PRDM11: variants seen among roughly 807,000 people sequenced by gnomAD.
PRDM11 encodes the protein PR/SET domain 11, also known as PR domain-containing protein 11.
Under a neutral mutation model 97.8 loss-of-function variants are expected in PRDM11, and 20 were observed. The ratio of observed to expected loss-of-function variants is 0.20; its 90% CI spans 0.14 to 0.30. The LOEUF (loss-of-function observed/expected upper bound fraction) is 0.30, where lower values mean the gene tolerates loss of function less well. Ranked by LOEUF, PRDM11 falls within the 10% of genes least tolerant of loss-of-function variation. PRDM11 has a pLI of 1.00. For missense variants in PRDM11, 1,139 were observed against 1,555.2 expected (o/e 0.73, Z 4.50); for synonymous variants, 599 against 637.7 (o/e 0.94, Z 0.91).
chr11:45,168,928 T>C (rs935425776), intron 1 of PRDM11, among the ~76,000 whole-genome samples: 6 of 152,120 alleles, frequency 3.9e-5, no homozygotes, highest in Admixed American at 3.9e-4. Flanking sequence ...CACCCCCTTC[T>C]CCCCAATTCT....
intron 1 of PRDM11, among the ~76,000 whole-genome samples, chr11:45,130,797 T>C (rs1052374058): frequency 6.6e-6 from 1 of 152,214 alleles, no homozygotes; most frequent in African/African-American, 2.4e-5. Context: ...GTCAATAACT[T>C]TTTCCATAAT....
In PRDM11 at chr11:45,114,345, G is replaced by T. The variant is rs191340767; in HGVS notation, c.96+18444G>T. ...TGATATGCATAACAACAAACAAACT[G>T]GCAGAAGAGTCAATGAACTTGAAGC... On this transcript the variant is annotated intron_variant, in intron 1 of 6. Transcript: ENST00000530656. Among the ~76,000 whole-genome samples the T allele has an allele frequency of 2.5e-3, 378 of 152,096 alleles. 1 individual carries two copies. The highest frequency in any genetic ancestry group is 0.015 in the South Asian group (74 of 4,816).
At chr11:45,148,670 C>T (rs1184087045) in intron 1 of PRDM11, among the ~76,000 whole-genome samples, 1 of 152,340 alleles carries the variant, frequency 6.6e-6, no homozygotes, top group South Asian at 2.1e-4. Flanking sequence ...AGTTACAGTT[C>T]TGTCGTCTAG....
chr11:45,105,260 C>T (rs1459138589), intron 1 of PRDM11, among the ~76,000 whole-genome samples: 1 of 152,226 alleles, frequency 6.6e-6, no homozygotes, highest in African/African-American at 2.4e-5. Context: ...CCTCCTAATA[C>T]CATCACATCG....
At chr11:45,177,185 C>G (rs553209504) in intron 1 of PRDM11, among the ~76,000 whole-genome samples, 4 of 152,352 alleles carry the variant, frequency 2.6e-5, no homozygotes, top group Non-Finnish European at 5.9e-5. Context: ...GGCACCCTGC[C>G]AAGGGTGAAA....
At chr11:45,213,394 T>C (rs754306839) in intron 5 of PRDM11, 7 of 445,796 alleles carry the variant, frequency 1.6e-5, no homozygotes, top group Non-Finnish European at 3.2e-5. Flanking sequence ...TTTCCAACCT[T>C]GGGGCTGCTG....
rs774666615 is a variant in PRDM11 at position 45,219,766 on chromosome 11, C to T, written c.742+9C>T. 6.2e-7 allele frequency: 1 copy of T among 1,610,204 alleles called. No individual in the cohort carries two copies. The highest frequency in any genetic ancestry group is 8.5e-7 in the Non-Finnish European group (1 of 1,177,838). On this transcript the variant is annotated intron_variant, in intron 6 of 7. Coordinates refer to ENST00000683152, the MANE Select transcript of PRDM11 (RefSeq NM_001384648.1). The surrounding 1 kb of genome is among the most constrained non-coding windows in gnomAD (Gnocchi z 4.2). Reference sequence around the variant, plus strand: ...CCGCAACCTGGCCAGAGGTGAGTGCCATGCTCCACATGAGCTGCGCCCACC... The same window carrying T: ...CCGCAACCTGGCCAGAGGTGAGTGCTATGCTCCACATGAGCTGCGCCCACC...
At position 45,232,761 on chromosome 11, in the gene PRDM11, AT is replaced by A. The variant is rs535106177; in HGVS notation, c.*4603del. 6.2e-3 allele frequency: 944 copies of A among 152,290 alleles called. 6 individuals carry two copies. The highest frequency in any genetic ancestry group is 9.5e-3 in the Non-Finnish European group (650 of 68,070). 9.4% of individuals were successfully genotyped at this position (152,290 alleles called of 1,614,324 possible). A position where few individuals can be genotyped will look rare whatever the true frequency, so the allele number is the denominator to read the frequency against. ...ACTTGGTGGGGGCCCTTCTCTTGCC[AT>A]CTGTTGGTTAGGGTGCTTGAGCTGA... On this transcript the variant is annotated 3_prime_UTR_variant, in exon 8 of 8. Coordinates refer to ENST00000683152, the MANE Select transcript of PRDM11 (RefSeq NM_001384648.1).
At chr11:45,179,069 G>A (rs1471578179) in intron 1 of PRDM11, among the ~76,000 whole-genome samples, 3 of 152,170 alleles carry the variant, frequency 2.0e-5, no homozygotes, top group African/African-American at 7.2e-5. Context: ...TGTTCTGCAG[G>A]CTAGGACTCA....
rs369661981 is a variant in PRDM11, at chr11:45,212,563, C to T, written c.555-7007C>T. The T allele has an allele frequency of 1.2e-3, 553 of 456,252 alleles. 4 individuals carry two copies. The highest frequency in any genetic ancestry group is 9.8e-3 in the African/African-American group (493 of 50,162). The allele number at this position is 456,252 out of a possible 1,614,324, so 28.3% of individuals were successfully genotyped here. A position where few individuals can be genotyped will look rare whatever the true frequency, so the allele number is the denominator to read the frequency against. ...AGGAAGAGGCCCACCTGGCCAGGCC[C>T]GCCCTGCTCCGTTCATCCTCCTCCT... is the stretch of plus-strand genomic sequence containing the variant. On this transcript the variant is annotated intron_variant, in intron 5 of 7. Transcript: ENST00000683152.
At position 45,219,846 on chromosome 11, in the gene PRDM11, G is replaced by A. The variant is rs1420875961; in HGVS notation, c.742+89G>A. 6.4e-6 allele frequency: 9 copies of A among 1,407,376 alleles called. No individual in the cohort carries two copies. Among genetic ancestry groups the A allele is most frequent in the Middle Eastern group, 1.9e-4 (1 of 5,376 alleles). The allele number at this position is 1,407,376 out of a possible 1,614,324, so 87.2% of individuals were successfully genotyped here. On this transcript the variant is annotated intron_variant, in intron 6 of 7. Coordinates refer to ENST00000683152, the MANE Select transcript of PRDM11 (RefSeq NM_001384648.1). This position sits in a 1 kb window ranked among gnomAD's most constrained non-coding sequence, Gnocchi z 4.2. ...TGTTTTGGAGCTTCCTGAGAAATACGGTTCCCAGCAATGGGAAGACCCAGA... is the reference window on the plus strand; with the variant it reads ...TGTTTTGGAGCTTCCTGAGAAATACAGTTCCCAGCAATGGGAAGACCCAGA...
At chr11:45,122,236 C>CACACACACACACACACAG (rs570495237) in intron 1 of PRDM11, among the ~76,000 whole-genome samples, 6 of 144,512 alleles carry the variant, frequency 4.2e-5, no homozygotes, top group South Asian at 2.3e-4. Context: ...CACACACACA[C>CACACACACACACACACAG]AGAGAGAAAC....
chr11:45,177,903 A>C lies in PRDM11; in HGVS notation c.-6-3858A>C, dbSNP rs78683641. On this transcript the variant is annotated intron_variant, in intron 1 of 7. Transcript: ENST00000683152. ...TAACACTATCTCTGGTTGTTTCTTAACTGTCCTGTTTAGTATGTGTTTGTT... is the reference window on the plus strand; with the variant it reads ...TAACACTATCTCTGGTTGTTTCTTACCTGTCCTGTTTAGTATGTGTTTGTT... 4.7e-3 allele frequency among the ~76,000 whole-genome samples: 708 copies of C among 152,126 alleles called. 48 individuals are homozygous for C. In the East Asian group the frequency reaches 0.12, roughly 26 times the overall value.
Position 45,229,267 on chromosome 11 carries a change from C to T in PRDM11, c.*1108C>T, listed in dbSNP as rs1459820756. The T allele has an allele frequency of 6.6e-6, 1 of 152,092 alleles. No individual in the cohort carries two copies. The highest frequency in any genetic ancestry group is 6.6e-5 in the Admixed American group (1 of 15,256). 9.4% of individuals were successfully genotyped at this position (152,092 alleles called of 1,614,324 possible). On this transcript the variant is annotated 3_prime_UTR_variant, in exon 8 of 8. Transcript: ENST00000683152. ...AGGTAGTGTCAATGCAAATTGTGCC[C>T]TAAGTTATGCATAACTCAAATGAGA...
chr11:45,164,477 C>T (rs555062763), intron 1 of PRDM11, among the ~76,000 whole-genome samples: 5 of 152,298 alleles, frequency 3.3e-5, no homozygotes, highest in South Asian at 2.1e-4. Context: ...TGGGGGCGTG[C>T]AAGAGAAATG....
chr11:45,119,028 G>T (rs1852364212), intron 1 of PRDM11, among the ~76,000 whole-genome samples: 1 of 152,058 alleles, frequency 6.6e-6, no homozygotes, highest in African/African-American at 2.4e-5. Flanking sequence ...GTGGTTGCTG[G>T]GTCAGCTGCA....
At position 45,206,827 on chromosome 11, in the gene PRDM11, G is replaced by A. The variant is rs74374049; in HGVS notation, c.554+2049G>A. On this transcript the variant is annotated intron_variant, in intron 5 of 7. Transcript: ENST00000683152. ...CAAGCTGAGAGCAGGGCAAGGTCTT[G>A]CTTAAGAGCATACAGTCAGGGTAGC... Among the ~76,000 whole-genome samples, 1,365 of 152,366 alleles carry A rather than the reference G, an allele frequency of 9.0e-3. 13 individuals carry two copies. Among genetic ancestry groups the A allele is most frequent in the Non-Finnish European group, 0.014 (954 of 68,036 alleles).
At chr11:45,101,586 A>G (rs1174032324) in intron 1 of PRDM11, among the ~76,000 whole-genome samples, 1 of 150,788 alleles carries the variant, frequency 6.6e-6, no homozygotes, top group Non-Finnish European at 1.5e-5. Context: ...GAAGAAGAAG[A>G]AGAAGAAGAA....
At position 45,227,945 on chromosome 11, in the gene PRDM11, C is replaced by T; in HGVS notation, c.3320C>T (p.Thr1107Ile). 1 of 1,533,932 alleles carries T rather than the reference C, an allele frequency of 6.5e-7. No homozygotes were observed. The highest frequency in any genetic ancestry group is 2.4e-5 in the East Asian group (1 of 40,916). The change falls in exon 8 of 8, where the codon ACC (threonine) becomes ATC (isoleucine). Residue 1107 changes from threonine to isoleucine, a missense_variant. By Grantham distance (89) the Thr-to-Ile change is moderately conservative (BLOSUM62 -1). Transcript: ENST00000683152. The surrounding 1 kb of genome is among the most constrained non-coding windows in gnomAD (Gnocchi z 8.0). ...RVRKNHRSRL[T>I]LEQLSDLLTI... The stretch of plus-strand genomic sequence containing the variant: ...CGCAAAAACCACCGCTCCCGCCTGA[C>T]CCTGGAGCAGCTTAGCGACCTGTTG...
Sources: allele counts gnomAD v4.1 joint callset (sites outside exome capture counted in the v4.1 genomes callset), GRCh38; gene constraint gnomAD v4.1.1; non-coding constraint Gnocchi (gnomAD v3.1); transcripts MANE v1.5; gene names NCBI Gene and HGNC (gene_info 2026-07-23, HGNC 2026-07-21).